Variants in GRK7 observed in about 807,000 individuals in gnomAD.
The protein encoded by GRK7 is G protein-coupled receptor kinase 7, also known as rhodopsin kinase GRK7.
A neutral mutation model predicts 34.1 loss-of-function variants in GRK7; 24 were observed. The ratio of observed to expected loss-of-function variants is 0.70; its 90% CI spans 0.51 to 0.99. GRK7 has a LOEUF of 0.99. Ranked by LOEUF, GRK7 falls within the 50% of genes least tolerant of loss-of-function variation. GRK7 has a pLI of 0.00. For synonymous variants in GRK7, 256 were observed against 279.4 expected, an observed-to-expected ratio of 0.92 and a Z score of 0.84; for missense variants, 644 against 707.3, an observed-to-expected ratio of 0.91 and a Z score of 1.02.
At chr3:141,793,748 A>G (rs2084736640) in intron 4 of GRK7, among the ~76,000 whole-genome samples, 1 of 152,278 alleles carries the variant, frequency 6.6e-6, no homozygotes, top group Non-Finnish European at 1.5e-5. Context: ...GTGAGCCATC[A>G]GCAAGCAGTG....
chr3:141,770,317 C>A (rs1032020434), intron 1 of GRK7, among the ~76,000 whole-genome samples: 2 of 152,130 alleles, frequency 1.3e-5, no homozygotes, highest in African/African-American at 2.4e-5. Context: ...CCAATAATCA[C>A]AGAGTTTATA....
chr3:141,809,338 T>G (rs1203356416), intron 5 of GRK7, among the ~76,000 whole-genome samples: 3 of 152,158 alleles, frequency 2.0e-5, no homozygotes, highest in African/African-American at 4.8e-5. Context: ...CAAAAAATAT[T>G]TATGATATTG....
intron 5 of GRK7, among the ~76,000 whole-genome samples, chr3:141,815,449 G>T (rs1711142521): frequency 6.6e-6 from 1 of 152,030 alleles, no homozygotes; most frequent in African/African-American, 2.4e-5. Flanking sequence ...GAATCGTTTT[G>T]AATCTGATGC....
chr3:141,805,298 T>C (rs1230203602), intron 4 of GRK7, among the ~76,000 whole-genome samples: 1 of 152,226 alleles, frequency 6.6e-6, no homozygotes, highest in Non-Finnish European at 1.5e-5. Flanking sequence ...ACTCAACAAA[T>C]GTTTTCTGCG....
intron 5 of GRK7, among the ~76,000 whole-genome samples, chr3:141,814,918 TG>T (rs2107897910): frequency 7.1e-6 from 1 of 140,726 alleles, no homozygotes; most frequent in Admixed American, 7.4e-5. Flanking sequence ...GTTTGTTGGT[TG>T]GTTTTTTTTT....
the GRK7 span, among the ~76,000 whole-genome samples, chr3:141,756,104 G>C: frequency 1.3e-5 from 2 of 151,844 alleles, no homozygotes; most frequent in African/African-American, 4.8e-5. Flanking sequence ...TTGAGGTCAG[G>C]GGTTCAAGAC....
rs752712684 is a variant in GRK7, at chr3:141,780,693, G to A, written c.932G>A (p.Gly311Asp). The A allele has an allele frequency of 1.5e-5, 24 of 1,614,060 alleles. No homozygotes were observed. The African/African-American group carries it at 1.7e-4, about 12-fold the overall frequency. The part of the protein sequence containing the change: ...ACGMLHLHEL[G>D]IVYRDMKPEN... ...GGGATGCTGCACCTCCATGAACTCG[G>A]CATCGTCTATCGGGACATGAAGCCT... is the stretch of plus-strand genomic sequence containing the variant. The change falls in exon 4 of 6, where the codon GGC (glycine) becomes GAC (aspartate). Residue 311 changes from glycine to aspartate, a missense_variant. Coordinates refer to ENST00000682958, the MANE Select transcript of GRK7 (RefSeq NM_139209.3).
In GRK7 at chr3:141,814,290, T is replaced by C. The variant is rs146079581; in HGVS notation, c.1326-2424T>C. 2.0e-5 allele frequency among the ~76,000 whole-genome samples: 3 copies of C among 152,314 alleles called. No individual in the cohort carries two copies. In the East Asian group the frequency reaches 5.8e-4, roughly 29 times the overall value. ...GCAGGTTTTTTACAAAGACATATTG[T>C]GTAATGCTGAGGTTTTGGATGCAAT... is the stretch of plus-strand genomic sequence containing the variant. On this transcript the variant is annotated intron_variant, in intron 5 of 5. Transcript: ENST00000682958.
intron 4 of GRK7, among the ~76,000 whole-genome samples, chr3:141,785,181 C>G (rs1257047640): frequency 1.3e-5 from 2 of 152,242 alleles, no homozygotes; most frequent in Non-Finnish European, 2.9e-5. Flanking sequence ...TGAGTCTGAG[C>G]AGTTCTTCCA....
chr3:141,796,076 TG>T (rs1008328968), intron 4 of GRK7, among the ~76,000 whole-genome samples: 2 of 152,222 alleles, frequency 1.3e-5, no homozygotes, highest in African/African-American at 2.4e-5. Context: ...AATATAGTCC[TG>T]CAGGTCAAGG....
chr3:141,807,588 C>A, intron 4 of GRK7, 57 bp from the exon 5 acceptor site: 1 of 1,484,398 alleles, frequency 6.7e-7, no homozygotes, highest in Non-Finnish European at 9.3e-7. Flanking sequence ...GTGTCTGCTA[C>A]ACTCACCTTA....
At position 141,764,353 on chromosome 3, in the gene GRK7, A is replaced by G. The variant is rs1345509522; in HGVS notation, c.-1600A>G. Among the ~76,000 whole-genome samples the G allele has an allele frequency of 6.6e-6, 1 of 152,088 alleles. No homozygotes were observed. Among genetic ancestry groups the G allele is most frequent in the Non-Finnish European group, 1.5e-5 (1 of 68,028 alleles). On this transcript the variant is annotated 5_prime_UTR_variant, in exon 1 of 6. The change creates a new upstream start codon in the 5' untranslated region. Coordinates refer to ENST00000682958, the MANE Select transcript of GRK7 (RefSeq NM_139209.3). ...GATTCTCTGTTGAACTGACTCTCAT[A>G]AGGTTTTCATCCCACTACTTCATAG...
At chr3:141,813,462 T>C (rs1332193089) in intron 5 of GRK7, among the ~76,000 whole-genome samples, 3 of 152,276 alleles carry the variant, frequency 2.0e-5, no homozygotes, top group South Asian at 4.1e-4. Context: ...TTTATCTCAG[T>C]AACTCTCCCT....
intron 4 of GRK7, among the ~76,000 whole-genome samples, chr3:141,784,981 G>A (rs1412545225): frequency 6.6e-6 from 1 of 152,200 alleles, no homozygotes; most frequent in Admixed American, 6.6e-5. Flanking sequence ...GTACTCCTCA[G>A]AGAGTTCCCA....
intron 4 of GRK7, among the ~76,000 whole-genome samples, chr3:141,806,916 T>G (rs1016561254): frequency 5.9e-5 from 9 of 151,916 alleles, no homozygotes; most frequent in African/African-American, 2.2e-4. Flanking sequence ...TATAAATAGA[T>G]ATGTCTTATA....
At chr3:141,790,915 C>T (rs2084721219) in intron 4 of GRK7, among the ~76,000 whole-genome samples, 1 of 152,212 alleles carries the variant, frequency 6.6e-6, no homozygotes, top group Non-Finnish European at 1.5e-5. Context: ...GCTCAGTTGA[C>T]ATCTACATGC....
the GRK7 span, among the ~76,000 whole-genome samples, chr3:141,750,519 T>C: frequency 3.3e-5 from 5 of 152,318 alleles, no homozygotes; most frequent in Admixed American, 6.5e-5. Context: ...GGAGTTGTTA[T>C]GAAGATTAAA....
intron 1 of GRK7, among the ~76,000 whole-genome samples, chr3:141,766,260 T>C (rs1040360110): frequency 9.2e-5 from 14 of 151,808 alleles, no homozygotes; most frequent in African/African-American, 3.4e-4. Flanking sequence ...GCCTCACGGG[T>C]TCACGCCATT....
the GRK7 span, among the ~76,000 whole-genome samples, chr3:141,757,129 CT>C: frequency 0.44 from 44,625 of 101,030 alleles, 6,973 homozygotes; most frequent in Middle Eastern, 0.52. Flanking sequence ...AGATCTTCTT[CT>C]TTTTTTTTTT....
Sources: allele counts gnomAD v4.1 joint callset (sites outside exome capture counted in the v4.1 genomes callset), GRCh38; gene constraint gnomAD v4.1.1; transcripts MANE v1.5; gene names NCBI Gene and HGNC (gene_info 2026-07-23, HGNC 2026-07-21).